Variants in CRYL1 observed in about 807,000 individuals in gnomAD.
The protein encoded by CRYL1 is lambda-crystallin homolog.
A neutral mutation model predicts 36.6 loss-of-function variants in CRYL1; 29 were observed. The ratio of observed to expected loss-of-function variants is 0.79; its 90% CI spans 0.59 to 1.08. The LOEUF (loss-of-function observed/expected upper bound fraction) is 1.08. Ranked by LOEUF, CRYL1 falls within the 50% of genes least tolerant of loss-of-function variation. CRYL1 has a pLI of 0.00. For synonymous variants in CRYL1, 152 were observed against 151.5 expected (o/e 1.00, Z -0.02); for missense variants, 411 against 407.9 (o/e 1.01, Z -0.06).
rs1179533995 is a variant in CRYL1, at chr13:20,508,848, C to CAAAAAA, written c.149+3589_149+3594dup. ...CGGCCTAGGTGGCAGAGCGAGACTC[C>CAAAAAA]AAAAAAAAAAAAAAAAAAAAAAAAA... On this transcript the variant is annotated intron_variant, in intron 2 of 7. Transcript: ENST00000298248. Among the ~76,000 whole-genome samples, 52 of 10,444 alleles carry CAAAAAA rather than the reference C, an allele frequency of 5.0e-3. 5 individuals carry two copies. Among genetic ancestry groups the CAAAAAA allele is most frequent in the African/African-American group, 0.016 (51 of 3,132 alleles). The allele number at this position is 10,444 out of a possible 152,430, so 6.9% of individuals were successfully genotyped here.
intron 3 of CRYL1, among the ~76,000 whole-genome samples, chr13:20,451,970 C>CA: frequency 6.6e-6 from 1 of 152,086 alleles, no homozygotes; most frequent in East Asian, 1.9e-4. Flanking sequence ...AGAAGAAAAT[C>CA]ACATCATTTA....
intron 2 of CRYL1, among the ~76,000 whole-genome samples, chr13:20,503,871 A>G (rs1477801925): frequency 6.6e-6 from 1 of 152,212 alleles, no homozygotes; most frequent in Non-Finnish European, 1.5e-5. Flanking sequence ...GTCCAAGCAC[A>G]AGAAATTCAG....
chr13:20,482,001 A>G (rs1025588172), intron 3 of CRYL1, among the ~76,000 whole-genome samples: 2 of 152,144 alleles, frequency 1.3e-5, no homozygotes, highest in Non-Finnish European at 2.9e-5. Flanking sequence ...TGGCCATCCC[A>G]TGTGTCCAAT....
At position 20,489,363 on chromosome 13, in the gene CRYL1, C is replaced by A; in HGVS notation, c.276+7G>T. On this transcript the variant is annotated splice_region_variant and intron_variant, in intron 3 of 7. Transcript: ENST00000298248. ...CCACAGATGCGGCGCCAGTGTCCTT[C>A]ACTCACCTGAATGTGCATGGCACCC... is the stretch of plus-strand genomic sequence containing the variant. 6.2e-7 allele frequency: 1 copy of A among 1,613,016 alleles called. No individual in the cohort carries two copies.
chr13:20,420,879 G>GCA (rs1334501323), intron 5 of CRYL1, among the ~76,000 whole-genome samples: 1 of 151,644 alleles, frequency 6.6e-6, no homozygotes, highest in East Asian at 1.9e-4. Context: ...GGGACTACAG[G>GCA]CCCGCCACCA....
At chr13:20,511,771 C>T (rs180804540) in intron 2 of CRYL1, among the ~76,000 whole-genome samples, 25 of 152,326 alleles carry the variant, frequency 1.6e-4, no homozygotes, top group East Asian at 1.4e-3. Flanking sequence ...CTTCTGGGCA[C>T]GCTGCAATGG....
chr13:20,427,047 C>T (rs1306592909), intron 5 of CRYL1: 7 of 985,538 alleles, frequency 7.1e-6, no homozygotes, highest in African/African-American at 7.0e-5. Flanking sequence ...CCTCCACATA[C>T]CCTGCCCTCA....
chr13:20,503,044 A>T (rs1413818332), intron 2 of CRYL1, among the ~76,000 whole-genome samples: 1 of 152,188 alleles, frequency 6.6e-6, no homozygotes, highest in African/African-American at 2.4e-5. Context: ...CAGCAAGATC[A>T]CTCGGAATCC....
chr13:20,474,912 TCTCAGGGACAAGGCTCCCCTGC>T (rs1439364107), intron 3 of CRYL1, among the ~76,000 whole-genome samples: 6 of 152,060 alleles, frequency 3.9e-5, no homozygotes, highest in African/African-American at 1.4e-4. Flanking sequence ...GCTCCCAAAG[TCTCAGGGACAAGGCTCCCCTGC>T]CTCAGGGTCA....
intron 3 of CRYL1, among the ~76,000 whole-genome samples, chr13:20,460,483 T>A (rs1437708594): frequency 2.6e-5 from 4 of 151,030 alleles, no homozygotes; most frequent in African/African-American, 9.7e-5. Flanking sequence ...TCTTTGCCTA[T>A]GTCAGAGGCA....
intron 4 of CRYL1, among the ~76,000 whole-genome samples, chr13:20,433,001 G>C (rs2032107492): frequency 6.6e-6 from 1 of 152,182 alleles, no homozygotes; most frequent in Admixed American, 6.5e-5. Context: ...CTAGGTGACA[G>C]TGCCAGATCA....
At chr13:20,476,179 C>T (rs887449797) in intron 3 of CRYL1, among the ~76,000 whole-genome samples, 3 of 152,064 alleles carry the variant, frequency 2.0e-5, no homozygotes, top group African/African-American at 7.2e-5. Context: ...TTGCTGAACG[C>T]CAGGGCCTCT....
chr13:20,520,187 A>G (rs976086932), intron 1 of CRYL1, among the ~76,000 whole-genome samples: 2 of 152,196 alleles, frequency 1.3e-5, no homozygotes, highest in African/African-American at 4.8e-5. Context: ...TAAGAGAGAG[A>G]ATATGGATAG....
chr13:20,500,062 G>A (rs1318037459), intron 2 of CRYL1, among the ~76,000 whole-genome samples: 2 of 152,232 alleles, frequency 1.3e-5, no homozygotes, highest in Non-Finnish European at 2.9e-5. Context: ...AACTTCCAGT[G>A]CACTAATGGA....
intron 3 of CRYL1, among the ~76,000 whole-genome samples, chr13:20,472,618 T>G (rs1266742703): frequency 1.3e-5 from 2 of 152,220 alleles, no homozygotes; most frequent in East Asian, 3.8e-4. Context: ...AGTCAAAGGT[T>G]CCTCCCAACC....
intron 1 of CRYL1, among the ~76,000 whole-genome samples, chr13:20,524,855 T>C (rs2034160610): frequency 6.6e-6 from 1 of 151,756 alleles, no homozygotes; most frequent in South Asian, 2.1e-4. Context: ...CCACACCGGG[T>C]TGTACACTGA....
At chr13:20,485,100 C>T (rs536144343) in intron 3 of CRYL1, among the ~76,000 whole-genome samples, 1 of 152,166 alleles carries the variant, frequency 6.6e-6, no homozygotes, top group South Asian at 2.1e-4. Context: ...TCACTGCAAC[C>T]TTTACCTCCT....
chr13:20,439,945 C>A, intron 3 of CRYL1, 191 bp from the exon 4 acceptor site: 1 of 561,088 alleles, frequency 1.8e-6, no homozygotes. Flanking sequence ...TGCCCTTCTG[C>A]TCTCTCCTCC....
intron 3 of CRYL1, among the ~76,000 whole-genome samples, chr13:20,447,847 A>T (rs1318364475): frequency 6.6e-6 from 1 of 152,220 alleles, no homozygotes; most frequent in African/African-American, 2.4e-5. Flanking sequence ...GAGCAGAAGA[A>T]AATGCTTGCC....
Sources: allele counts gnomAD v4.1 joint callset (sites outside exome capture counted in the v4.1 genomes callset), GRCh38; gene constraint gnomAD v4.1.1; transcripts MANE v1.5; gene names NCBI Gene and HGNC (gene_info 2026-07-23, HGNC 2026-07-21).